Variants in TRPM3 observed in about 807,000 individuals in gnomAD.
TRPM3 encodes the protein long transient receptor potential channel 3.
A neutral mutation model predicts 181.2 loss-of-function variants in TRPM3; 77 were observed. The observed-to-expected ratio is 0.42, with a 90% CI of 0.35 to 0.51. TRPM3 has a LOEUF of 0.51. Among genes scored for constraint, TRPM3 ranks in the 20% least tolerant of loss-of-function variants. TRPM3 has a pLI of 0.01. For synonymous variants in TRPM3, 745 were observed against 796.4 expected (o/e 0.94, Z 1.09); for missense variants, 1,759 against 2,196.7 (o/e 0.80, Z 3.98).
intron 1 of TRPM3, among the ~76,000 whole-genome samples, chr9:71,250,059 C>T (rs762002449): frequency 5.3e-5 from 8 of 152,200 alleles, no homozygotes; most frequent in Non-Finnish European, 1.2e-4. Flanking sequence ...AGAGAATACA[C>T]TCCATTAACA....
intron 8 of TRPM3, among the ~76,000 whole-genome samples, chr9:70,748,809 T>G (rs1168414246): frequency 6.6e-6 from 1 of 152,202 alleles, no homozygotes; most frequent in Non-Finnish European, 1.5e-5. Flanking sequence ...TATTTCATTA[T>G]AGCAGCCTGA....
chr9:70,691,880 A>G (rs2068689874), intron 8 of TRPM3, among the ~76,000 whole-genome samples: 1 of 152,200 alleles, frequency 6.6e-6, no homozygotes, highest in Non-Finnish European at 1.5e-5. Flanking sequence ...CAGGGAGAGT[A>G]TACAGTCATG....
At position 71,380,760 on chromosome 9, in the gene TRPM3, A is replaced by G. The variant is rs140615958; in HGVS notation, c.183+65893T>C. ...ATCTTTCACTTGCTGCTTCATAAAG[A>G]AAACGTATTTACTAACTTAGGTCCT... On this transcript the variant is annotated intron_variant, in intron 1 of 24. Transcript: ENST00000357533. Among the ~76,000 whole-genome samples, 830 of 152,184 alleles carry G rather than the reference A, an allele frequency of 5.5e-3. 12 individuals are homozygous for G. Among genetic ancestry groups the G allele is most frequent in the African/African-American group, 0.019 (787 of 41,548 alleles).
At chr9:70,643,417 T>C (rs2058365285) in intron 9 of TRPM3, among the ~76,000 whole-genome samples, 2 of 152,166 alleles carry the variant, frequency 1.3e-5, no homozygotes, top group Non-Finnish European at 2.9e-5. Context: ...CAGGAACACA[T>C]AGCAGGAAGC....
At chr9:71,237,214 T>C (rs1157435732) in intron 1 of TRPM3, among the ~76,000 whole-genome samples, 1 of 152,212 alleles carries the variant, frequency 6.6e-6, no homozygotes, top group South Asian at 2.1e-4. Context: ...TCAAGCTGTG[T>C]TGTTTTGATA....
chr9:71,296,983 C>CTTTTCT (rs2086321614), intron 1 of TRPM3, among the ~76,000 whole-genome samples: 1 of 126,452 alleles, frequency 7.9e-6, no homozygotes, highest in African/African-American at 3.4e-5. Context: ...GGATGTGAAT[C>CTTTTCT]TTTTCTTTTT....
At position 71,120,037 on chromosome 9, in the gene TRPM3, A is replaced by C. The variant is rs1352195051; in HGVS notation, c.177+1141T>G. On this transcript the variant is annotated intron_variant, in intron 1 of 25. Transcript: ENST00000677713. ...AAAAGGAAAACTCAGGCAAGGGGTA[A>C]TACTCTGTTGTGAGGCACCACTTAG... 2.0e-5 allele frequency among the ~76,000 whole-genome samples: 3 copies of C among 152,176 alleles called. No individual in the cohort carries two copies. In the East Asian group the frequency reaches 5.8e-4, roughly 29 times the overall value.
intron 1 of TRPM3, among the ~76,000 whole-genome samples, chr9:71,092,387 G>T (rs1243248080): frequency 6.6e-6 from 1 of 152,130 alleles, no homozygotes. Flanking sequence ...GAGGAGACAT[G>T]AATTTATTGA....
intron 1 of TRPM3, among the ~76,000 whole-genome samples, chr9:71,068,074 C>T (rs1306245876): frequency 6.6e-6 from 1 of 152,166 alleles, no homozygotes; most frequent in Non-Finnish European, 1.5e-5. Context: ...GATGGTTCTT[C>T]TGGCTCTGAT....
At chr9:70,693,768 A>T (rs2069308083) in intron 8 of TRPM3, among the ~76,000 whole-genome samples, 3 of 152,188 alleles carry the variant, frequency 2.0e-5, no homozygotes, top group Admixed American at 2.0e-4. Context: ...GCCCACCAGG[A>T]GGTCATACCA....
At chr9:71,420,691 G>T (rs376831549) in intron 1 of TRPM3, among the ~76,000 whole-genome samples, 1 of 39,078 alleles carries the variant, frequency 2.6e-5, no homozygotes, top group South Asian at 1.1e-3. Flanking sequence ...AAGAGAAAGG[G>T]AAAGAGAAAG....
chr9:71,116,840 T>C (rs1004478763), intron 1 of TRPM3, among the ~76,000 whole-genome samples: 1 of 152,196 alleles, frequency 6.6e-6, no homozygotes, highest in Non-Finnish European at 1.5e-5. Context: ...ACTGACTGAA[T>C]AGTATTTGCT....
intron 1 of TRPM3, among the ~76,000 whole-genome samples, chr9:71,171,465 G>A (rs1309515123): frequency 2.0e-5 from 3 of 151,962 alleles, no homozygotes; most frequent in Admixed American, 1.3e-4. Flanking sequence ...TCTCTCTTTT[G>A]TACTCTGTCC....
chr9:70,951,418 T>C (rs2096998022), intron 1 of TRPM3, among the ~76,000 whole-genome samples: 1 of 152,156 alleles, frequency 6.6e-6, no homozygotes, highest in African/African-American at 2.4e-5. Flanking sequence ...CTCGGCTCAC[T>C]GCAACCTCCA....
At chr9:71,427,057 T>C (rs560305453) in intron 1 of TRPM3, among the ~76,000 whole-genome samples, 3 of 152,336 alleles carry the variant, frequency 2.0e-5, no homozygotes, top group African/African-American at 7.2e-5. Context: ...TAGTGCATTA[T>C]TCACAAATTC....
intron 1 of TRPM3, among the ~76,000 whole-genome samples, chr9:71,130,263 T>C (rs2074288724): frequency 6.6e-6 from 1 of 152,188 alleles, no homozygotes; most frequent in African/African-American, 2.4e-5. Flanking sequence ...AAAATGTGTT[T>C]TTAAGGTAAC....
chr9:70,969,756 T>TTATATTTATATATATATA (rs924887097), intron 1 of TRPM3, among the ~76,000 whole-genome samples: 39 of 126,620 alleles, frequency 3.1e-4, no homozygotes, highest in Middle Eastern at 4.1e-3. Context: ...CTGAATGATT[T>TTATATTTATATATATATA]TATATATATA....
At chr9:70,920,975 C>A (rs1383278115) in intron 1 of TRPM3, among the ~76,000 whole-genome samples, 2 of 152,146 alleles carry the variant, frequency 1.3e-5, no homozygotes, top group African/African-American at 4.8e-5. Context: ...TACATATTTT[C>A]CTTTGGTGTC....
chr9:71,215,788 G>T (rs1438957135), intron 1 of TRPM3, among the ~76,000 whole-genome samples: 1 of 152,176 alleles, frequency 6.6e-6, no homozygotes, highest in Non-Finnish European at 1.5e-5. Flanking sequence ...CTGCTTTAAA[G>T]AGTTTTCTAG....
Sources: allele counts gnomAD v4.1 joint callset (sites outside exome capture counted in the v4.1 genomes callset), GRCh38; gene constraint gnomAD v4.1.1; transcripts MANE v1.5; gene names NCBI Gene and HGNC (gene_info 2026-07-23, HGNC 2026-07-21).